OPN3: variants seen among roughly 807,000 people sequenced by gnomAD.
OPN3 encodes opsin 3.
A neutral mutation model predicts 33.8 loss-of-function variants in OPN3; 29 were observed. That is an observed-to-expected ratio of 0.86 (90% confidence interval 0.64 to 1.17). The LOEUF is 1.17. Ranked by LOEUF, OPN3 falls within the 50% of genes most tolerant of loss-of-function variation. The pLI is 0.00. For synonymous variants in OPN3, 216 were observed against 216.1 expected, an observed-to-expected ratio of 1.00 and a Z score of 0.00; for missense variants, 437 against 514.1, an observed-to-expected ratio of 0.85 and a Z score of 1.45.
rs555586078 is a variant in OPN3, at chr1:241,634,852, T to C, written c.373+5030A>G. The C allele has an allele frequency of 3.1e-5, 50 of 1,610,346 alleles. No individual in the cohort carries two copies. In the African/African-American group the frequency reaches 5.4e-4, roughly 17 times the overall value. ...ATTCATCAGGATGTTGTTCATACTC[T>C]AAACAAAATGTGAGAAATTTCATTA... On this transcript the variant is annotated intron_variant, in intron 1 of 3. Coordinates refer to ENST00000366554, the MANE Select transcript of OPN3 (RefSeq NM_014322.3).
chr1:241,609,284 T>C (rs1663921800), intron 1 of OPN3, among the ~76,000 whole-genome samples: 1 of 152,198 alleles, frequency 6.6e-6, no homozygotes, highest in African/African-American at 2.4e-5. Flanking sequence ...ATGCACTCTT[T>C]TGGAAAGAAG....
In OPN3 at chr1:241,634,427, G is replaced by C. The variant is rs551842840; in HGVS notation, c.373+5455C>G. ...AGAGATCTGCTTATACTGCACATTTGAGCATGTTTCCTCAGAAAGGTAACT... is the reference window on the plus strand; with the variant it reads ...AGAGATCTGCTTATACTGCACATTTCAGCATGTTTCCTCAGAAAGGTAACT... On this transcript the variant is annotated intron_variant, in intron 1 of 3. Transcript: ENST00000366554. 3.1e-6 allele frequency: 5 copies of C among 1,613,686 alleles called. No individual in the cohort carries two copies. The South Asian group carries it at 4.4e-5, about 14-fold the overall frequency.
intron 2 of OPN3, among the ~76,000 whole-genome samples, chr1:241,599,337 T>G (rs1026170905): frequency 6.6e-6 from 1 of 151,760 alleles, no homozygotes. Context: ...TTTACCACTA[T>G]GCCAATTACT....
At chr1:241,611,366 C>A (rs1340335284) in intron 1 of OPN3, among the ~76,000 whole-genome samples, 3 of 151,798 alleles carry the variant, frequency 2.0e-5, no homozygotes, top group Non-Finnish European at 4.4e-5. Context: ...GCACATAATC[C>A]AGAGAAGGAG....
intron 2 of OPN3, chr1:241,600,437 T>A (rs950595756): frequency 2.0e-5 from 3 of 152,218 alleles, no homozygotes; most frequent in African/African-American, 7.2e-5. Flanking sequence ...GAAGCAATTT[T>A]GAAATGATTG....
At chr1:241,617,066 C>T (rs544751870) in intron 1 of OPN3, among the ~76,000 whole-genome samples, 27 of 151,998 alleles carry the variant, frequency 1.8e-4, no homozygotes, top group Non-Finnish European at 3.8e-4. Flanking sequence ...TTTCAAAGTA[C>T]TTTTTAATGT....
chr1:241,609,351 GT>G (rs1360752523), intron 1 of OPN3, among the ~76,000 whole-genome samples: 1 of 152,204 alleles, frequency 6.6e-6, no homozygotes, highest in African/African-American at 2.4e-5. Flanking sequence ...GGTGGAGACA[GT>G]TTTGAGAACC....
intron 2 of OPN3, among the ~76,000 whole-genome samples, chr1:241,602,637 C>CAG (rs772195334): frequency 5.9e-4 from 89 of 151,390 alleles, no homozygotes; most frequent in South Asian, 8.4e-4. Context: ...GAAAGAGAGA[C>CAG]AGAGAGAGAG....
chr1:241,624,893 T>C (rs1664372795), intron 1 of OPN3, among the ~76,000 whole-genome samples: 2 of 152,128 alleles, frequency 1.3e-5, no homozygotes, highest in African/African-American at 2.4e-5. Flanking sequence ...TCAAGCTCTT[T>C]GTCTTCACAT....
chr1:241,617,766 A>T (rs1433279249), intron 1 of OPN3, among the ~76,000 whole-genome samples: 1 of 152,244 alleles, frequency 6.6e-6, no homozygotes, highest in Admixed American at 6.5e-5. Context: ...AGAATGAGAG[A>T]AGAAGCTTGT....
chr1:241,604,578 C>G lies in OPN3; in HGVS notation c.375G>C (p.Gly125=). 6.2e-7 allele frequency: 1 copy of G among 1,607,644 alleles called. No individual in the cohort carries two copies. The highest frequency in any genetic ancestry group is 8.5e-7 in the Non-Finnish European group (1 of 1,175,782). ...VWDGFSGSLF[G]IVSIATLTVL... Reference sequence around the variant, plus strand: ...CGGTTAGGGTGGCAATGGAAACAATCCCTGCAAGAAGAGAAAGTGGAAAAG... The same window carrying G: ...CGGTTAGGGTGGCAATGGAAACAATGCCTGCAAGAAGAGAAAGTGGAAAAG... The change falls in exon 2 of 4, where the codon GGG becomes GGC. Residue 125 remains glycine, a splice_region_variant and synonymous_variant. Transcript: ENST00000366554.
At chr1:241,601,165 G>A (rs1353417908) in intron 2 of OPN3, 1 of 152,116 alleles carries the variant, frequency 6.6e-6, no homozygotes, top group African/African-American at 2.4e-5. Context: ...AAGAAGACAG[G>A]AGTGTCAAGA....
intron 1 of OPN3, among the ~76,000 whole-genome samples, chr1:241,623,635 ACATT>A (rs1054066048): frequency 2.6e-5 from 4 of 152,214 alleles, no homozygotes; most frequent in Admixed American, 1.3e-4. Flanking sequence ...TGAATTACAT[ACATT>A]CAGACACCAA....
intron 3 of OPN3, among the ~76,000 whole-genome samples, chr1:241,596,469 G>A (rs1210965533): frequency 6.6e-6 from 1 of 152,156 alleles, no homozygotes; most frequent in Non-Finnish European, 1.5e-5. Context: ...GTCAGTGAGA[G>A]GAGATTAAGG....
At chr1:241,608,795 G>C (rs1039343214) in intron 1 of OPN3, among the ~76,000 whole-genome samples, 1 of 152,184 alleles carries the variant, frequency 6.6e-6, no homozygotes, top group African/African-American at 2.4e-5. Context: ...TGACATGTTA[G>C]TACAGATCTA....
At chr1:241,600,671 G>A (rs1352768108) in intron 2 of OPN3, 1 of 152,134 alleles carries the variant, frequency 6.6e-6, no homozygotes, top group Non-Finnish European at 1.5e-5. Context: ...AGGAAACGGA[G>A]GCAAATTACT....
intron 1 of OPN3, chr1:241,634,666 G>T: frequency 6.2e-7 from 1 of 1,613,982 alleles, no homozygotes; most frequent in Non-Finnish European, 8.5e-7. Context: ...CAAACCGTCC[G>T]AGACACTGAA....
intron 1 of OPN3, among the ~76,000 whole-genome samples, chr1:241,621,066 G>A (rs1161936337): frequency 6.6e-6 from 1 of 152,152 alleles, no homozygotes; most frequent in African/African-American, 2.4e-5. Context: ...GGGAAAGGAG[G>A]TAAAATGGAA....
In OPN3 at chr1:241,594,265, C is replaced by A; in HGVS notation, c.*163G>T. ...ATTAAAAGAATTTGTTTTTGTTCAA[C>A]CTCTTCCTGAGGCCCAAGAGCATAT... On this transcript the variant is annotated 3_prime_UTR_variant, in exon 4 of 4. Coordinates refer to ENST00000366554, the MANE Select transcript of OPN3 (RefSeq NM_014322.3). 1 of 718,742 alleles carries A rather than the reference C, an allele frequency of 1.4e-6. No homozygotes were observed. The highest frequency in any genetic ancestry group is 2.7e-5 in the East Asian group (1 of 37,040). 44.5% of individuals were successfully genotyped at this position (718,742 alleles called of 1,614,324 possible).
Sources: gnomAD v4.1 joint callset for allele counts (sites outside exome capture counted in the v4.1 genomes callset) on GRCh38, gnomAD v4.1.1 for gene constraint, MANE v1.5 for transcripts, NCBI Gene and HGNC (gene_info 2026-07-23, HGNC 2026-07-21) for gene names.